GPHN: variants seen among roughly 807,000 people sequenced by gnomAD.
GPHN encodes gephyrin.
A neutral mutation model predicts 95.5 loss-of-function variants in GPHN; 17 were observed. The ratio of observed to expected loss-of-function variants is 0.18; its 90% CI spans 0.12 to 0.27. GPHN has a LOEUF of 0.27. Among genes scored for constraint, GPHN ranks in the 10% least tolerant of loss-of-function variants. GPHN has a pLI of 1.00. For missense variants in GPHN, 660 were observed against 978.1 expected, an observed-to-expected ratio of 0.67 and a Z score of 4.34; for synonymous variants, 320 against 322.5, an observed-to-expected ratio of 0.99 and a Z score of 0.08.
chr14:67,144,276 T>TACATAC lies in GPHN; in HGVS notation c.1836+828_1836+829insCATACA, dbSNP rs1567401052. The stretch of plus-strand genomic sequence containing the variant: ...ATATATATATATATATATATATATA[T>TACATAC]ATATATATATACACACACACATACA... On this transcript the variant is annotated intron_variant, in intron 18 of 22. Transcript: ENST00000478722. Among the ~76,000 whole-genome samples the TACATAC allele has an allele frequency of 8.0e-4, 87 of 109,124 alleles. 1 individual carries two copies. Among genetic ancestry groups the TACATAC allele is most frequent in the Non-Finnish European group, 8.9e-4 (48 of 53,958 alleles). The allele number at this position is 109,124 out of a possible 152,430, so 71.6% of individuals were successfully genotyped here.
At chr14:67,401,843 G>A in the GPHN span, among the ~76,000 whole-genome samples, 1 of 152,190 alleles carries the variant, frequency 6.6e-6, no homozygotes, top group Admixed American at 6.5e-5. Context: ...TACAAATACA[G>A]GCCGGCGCGG....
intron 1 of GPHN, among the ~76,000 whole-genome samples, chr14:66,664,589 A>G (rs535659548): frequency 1.3e-5 from 2 of 152,276 alleles, no homozygotes; most frequent in South Asian, 4.1e-4. Flanking sequence ...AATCAAAATC[A>G]AACAAATCCC....
At chr14:66,540,101 C>G (rs1170633194) in intron 1 of GPHN, among the ~76,000 whole-genome samples, 2 of 152,206 alleles carry the variant, frequency 1.3e-5, no homozygotes, top group African/African-American at 2.4e-5. Context: ...ACAACAATTG[C>G]TTATTTTTGC....
chr14:67,001,798 A>G (rs907262024), intron 9 of GPHN, among the ~76,000 whole-genome samples: 5 of 151,740 alleles, frequency 3.3e-5, no homozygotes, highest in East Asian at 1.9e-4. Context: ...GCTCATGGTC[A>G]TATATTGCTA....
chr14:66,614,118 G>A (rs928996202), intron 1 of GPHN, among the ~76,000 whole-genome samples: 1 of 152,016 alleles, frequency 6.6e-6, no homozygotes, highest in Non-Finnish European at 1.5e-5. Flanking sequence ...GAATGCCTGT[G>A]GTCAAAGCTC....
chr14:67,235,963 T>A, the GPHN span, among the ~76,000 whole-genome samples: 1 of 152,068 alleles, frequency 6.6e-6, no homozygotes, highest in African/African-American at 2.4e-5. Flanking sequence ...AATTTTTAAA[T>A]TAAATTGATA....
At chr14:67,588,840 T>C in the GPHN span, 1 of 152,624 alleles carries the variant, frequency 6.6e-6, no homozygotes. Flanking sequence ...CCTCAGCTGC[T>C]GTAAGCTTCT....
chr14:67,197,559 C>A, the GPHN span, among the ~76,000 whole-genome samples: 20 of 152,050 alleles, frequency 1.3e-4, no homozygotes, highest in Admixed American at 3.3e-4. Flanking sequence ...CAGCAGGGAC[C>A]AGTGTTGTGG....
the GPHN span, among the ~76,000 whole-genome samples, chr14:67,330,264 GCTTT>G: frequency 6.6e-5 from 10 of 151,072 alleles, no homozygotes; most frequent in South Asian, 2.1e-4. Flanking sequence ...TTCTTTTTAT[GCTTT>G]CTTTGACTAT....
chr14:67,499,062 G>A, the GPHN span, among the ~76,000 whole-genome samples: 1 of 151,906 alleles, frequency 6.6e-6, no homozygotes, highest in African/African-American at 2.4e-5. Flanking sequence ...GAGTTCAGTG[G>A]TGTGATCATA....
Position 66,932,449 on chromosome 14 carries a change from T to G in GPHN, c.828+8157T>G, listed in dbSNP as rs113633997. ...GGGAATCCTGCCAAGACCAGGTTTT[T>G]TTTTTTTTTTTTTTTTTTTTTTTTT... On this transcript the variant is annotated intron_variant, in intron 8 of 22. Coordinates refer to ENST00000478722, the MANE Select transcript of GPHN (RefSeq NM_020806.5). Among the ~76,000 whole-genome samples the G allele has an allele frequency of 5.6e-3, 556 of 98,606 alleles. 1 individual carries two copies. Among genetic ancestry groups the G allele is most frequent in the Middle Eastern group, 9.3e-3 (2 of 216 alleles). 64.7% of individuals were successfully genotyped at this position (98,606 alleles called of 152,430 possible). A position where few individuals can be genotyped will look rare whatever the true frequency, so the allele number is the denominator to read the frequency against.
At chr14:66,819,636 T>C (rs1343847296) in intron 3 of GPHN, among the ~76,000 whole-genome samples, 1 of 152,038 alleles carries the variant, frequency 6.6e-6, no homozygotes, top group Non-Finnish European at 1.5e-5. Context: ...TGCTTTTGTT[T>C]TTGTTTTTTT....
the GPHN span, among the ~76,000 whole-genome samples, chr14:67,461,234 A>G: frequency 6.6e-6 from 1 of 152,152 alleles, no homozygotes; most frequent in East Asian, 1.9e-4. Context: ...GCCTCTTTTA[A>G]TCTCCACCAC....
At chr14:67,661,693 C>T in the GPHN span, among the ~76,000 whole-genome samples, 2 of 151,202 alleles carry the variant, frequency 1.3e-5, no homozygotes, top group African/African-American at 2.4e-5. Context: ...CACCAAACCT[C>T]GGTAATTTTT....
At chr14:66,664,047 C>G (rs751810975) in intron 1 of GPHN, among the ~76,000 whole-genome samples, 8 of 152,060 alleles carry the variant, frequency 5.3e-5, no homozygotes, top group African/African-American at 1.9e-4. Flanking sequence ...ACTTTAACAC[C>G]GCACTGACAA....
chr14:67,196,282 T>C, the GPHN span, among the ~76,000 whole-genome samples: 6,647 of 151,692 alleles, frequency 0.044, 165 homozygotes, highest in African/African-American at 0.05. Flanking sequence ...ATTGGCACAG[T>C]CTTGGCTCAC....
chr14:67,303,518 A>G, the GPHN span: 95 of 1,607,572 alleles, frequency 5.9e-5, no homozygotes, highest in Middle Eastern at 1.6e-4. Context: ...TCTTTCTATT[A>G]CAGTCTGATA....
At chr14:67,619,544 G>A in the GPHN span, among the ~76,000 whole-genome samples, 5 of 152,270 alleles carry the variant, frequency 3.3e-5, no homozygotes, top group African/African-American at 9.6e-5. Flanking sequence ...CAGCCCATCC[G>A]TAGAGTCAGC....
At chr14:66,633,711 G>A (rs1306762988) in intron 1 of GPHN, among the ~76,000 whole-genome samples, 2 of 152,130 alleles carry the variant, frequency 1.3e-5, no homozygotes, top group Non-Finnish European at 1.5e-5. Context: ...ATACTTAAGT[G>A]TGACTTGCTG....
Sources: gnomAD v4.1 joint callset for allele counts (sites outside exome capture counted in the v4.1 genomes callset) on GRCh38, gnomAD v4.1.1 for gene constraint, MANE v1.5 for transcripts, NCBI Gene and HGNC (gene_info 2026-07-23, HGNC 2026-07-21) for gene names.